Variants in GRAMD2B observed in about 807,000 individuals in gnomAD.
The protein encoded by GRAMD2B is GRAM domain-containing protein 2B.
A neutral mutation model predicts 59.2 loss-of-function variants in GRAMD2B; 41 were observed. The observed-to-expected ratio is 0.69, with a 90% CI of 0.54 to 0.90. GRAMD2B has a LOEUF of 0.90. GRAMD2B is among the 40% of genes least tolerant of loss of function. GRAMD2B has a pLI of 0.00. For synonymous variants in GRAMD2B, 161 were observed against 182.7 expected (o/e 0.88, Z 0.96); for missense variants, 424 against 500.5 (o/e 0.85, Z 1.46).
chr5:126,479,035 C>T (rs1771194284), intron 6 of GRAMD2B, among the ~76,000 whole-genome samples: 1 of 152,128 alleles, frequency 6.6e-6, no homozygotes, highest in South Asian at 2.1e-4. Context: ...CAGACATGCA[C>T]AATCAGAAAA....
intron 1 of GRAMD2B, among the ~76,000 whole-genome samples, chr5:126,365,450 C>T (rs1435382600): frequency 6.6e-6 from 1 of 152,164 alleles, no homozygotes; most frequent in East Asian, 1.9e-4. Context: ...GATAATAATG[C>T]TATTGAAATC....
chr5:126,371,343 G>C, exon 1 of GRAMD2B: 1 of 1,166,802 alleles, frequency 8.6e-7, no homozygotes, highest in Non-Finnish European at 1.1e-6. Context: ...GCAATTCAAG[G>C]ACTGTACAAA....
At chr5:126,435,318 T>C (rs913905892) in intron 1 of GRAMD2B, among the ~76,000 whole-genome samples, 1 of 152,204 alleles carries the variant, frequency 6.6e-6, no homozygotes, top group Non-Finnish European at 1.5e-5. Flanking sequence ...GCGAGGTTGA[T>C]GGACAAGGAA....
chr5:126,364,189 CA>C (rs1754342070), intron 1 of GRAMD2B, among the ~76,000 whole-genome samples: 1 of 152,144 alleles, frequency 6.6e-6, no homozygotes, highest in African/African-American at 2.4e-5. Context: ...TCCCATTTTA[CA>C]GATTAGGAAA....
At chr5:126,398,399 T>C (rs960530973) in intron 1 of GRAMD2B, among the ~76,000 whole-genome samples, 7 of 152,206 alleles carry the variant, frequency 4.6e-5, no homozygotes, top group African/African-American at 1.7e-4. Flanking sequence ...ATTTACCCAG[T>C]TTTTTGGCAT....
chr5:126,361,700 C>T (rs1257536798), intron 1 of GRAMD2B, among the ~76,000 whole-genome samples: 3 of 152,126 alleles, frequency 2.0e-5, no homozygotes, highest in Non-Finnish European at 4.4e-5. Context: ...GATGGCCCAG[C>T]CCAGTCACCA....
At chr5:126,459,335 C>G (rs1315948768) in intron 1 of GRAMD2B, among the ~76,000 whole-genome samples, 6 of 152,190 alleles carry the variant, frequency 3.9e-5, no homozygotes, top group Admixed American at 3.9e-4. Flanking sequence ...TTTCAAACTC[C>G]TGGCCTCAGT....
intron 1 of GRAMD2B, among the ~76,000 whole-genome samples, chr5:126,408,187 T>C (rs963171141): frequency 6.6e-6 from 1 of 152,072 alleles, no homozygotes; most frequent in African/African-American, 2.4e-5. Context: ...CATGTATAAG[T>C]GAAAACATGT....
At chr5:126,449,562 G>A (rs958110443) in intron 1 of GRAMD2B, among the ~76,000 whole-genome samples, 5 of 152,084 alleles carry the variant, frequency 3.3e-5, no homozygotes, top group East Asian at 1.9e-4. Context: ...TTTTCCTTAC[G>A]TATGTCTAAT....
At chr5:126,421,359 GT>G (rs1234078686), upstream of GRAMD2B, among the ~76,000 whole-genome samples, 1 of 152,208 alleles carries the variant, frequency 6.6e-6, no homozygotes, top group Non-Finnish European at 1.5e-5. Context: ...CTCATCCAGA[GT>G]TTGGGAAATT....
At chr5:126,381,954 C>G (rs1755697196) in intron 1 of GRAMD2B, among the ~76,000 whole-genome samples, 2 of 152,068 alleles carry the variant, frequency 1.3e-5, no homozygotes, top group African/African-American at 4.8e-5. Context: ...ATTTATGAAG[C>G]TTAGTTTTGC....
In GRAMD2B at chr5:126,469,769, A is replaced by C. The variant is rs1368268871; in HGVS notation, c.296A>C (p.Lys99Thr). The C allele has an allele frequency of 6.2e-7, 1 of 1,611,822 alleles. No homozygotes were observed. The highest frequency in any genetic ancestry group is 8.5e-7 in the Non-Finnish European group (1 of 1,178,284). ...SKNDPKTERK[K>T]SSSSSQYKAN... is the part of the protein sequence containing the mutation. ...AATGACCCTAAGACTGAAAGAAAAA[A>C]GTCTTCATCTTCCAGCCAGGTAATT... Residue 99 changes from lysine to threonine, a missense_variant, in exon 3 of 14, where the codon AAG (lysine) becomes ACG (threonine). Physicochemically the swap from Lys to Thr is moderately conservative, Grantham distance 78. Transcript: ENST00000285689.
At chr5:126,373,827 T>C (rs776465481) in intron 1 of GRAMD2B, among the ~76,000 whole-genome samples, 1 of 152,078 alleles carries the variant, frequency 6.6e-6, no homozygotes, top group Admixed American at 6.5e-5. Flanking sequence ...TTGCCCTGCA[T>C]AGGGAAGATA....
rs77190536 is a variant in GRAMD2B, at chr5:126,398,502, G to A, written c.125+26935G>A. Among the ~76,000 whole-genome samples, 296 of 151,888 alleles carry A rather than the reference G, an allele frequency of 1.9e-3. 2 individuals are homozygous for A. Among genetic ancestry groups the A allele is most frequent in the African/African-American group, 6.8e-3 (284 of 41,464 alleles). On this transcript the variant is annotated intron_variant, in intron 1 of 8. Transcript: ENST00000506445. The stretch of plus-strand genomic sequence containing the variant: ...TCCAATTCTGATTTTAATTATTTGA[G>A]TCTTCTGTCTTTTTTCTTGGTTACT...
intron 1 of GRAMD2B, among the ~76,000 whole-genome samples, chr5:126,439,902 T>TC (rs1178006338): frequency 6.6e-6 from 1 of 152,048 alleles, no homozygotes; most frequent in African/African-American, 2.4e-5. Flanking sequence ...AAAGGGTAGT[T>TC]CCCCTGCACA....
intron 1 of GRAMD2B, among the ~76,000 whole-genome samples, chr5:126,454,317 C>T (rs1765889827): frequency 6.6e-6 from 1 of 152,104 alleles, no homozygotes; most frequent in Admixed American, 6.5e-5. Flanking sequence ...ACATTGATGT[C>T]CCAGAATCTT....
intron 6 of GRAMD2B, 125 bp downstream of exon 6, chr5:126,477,912 G>T (rs181759785): frequency 7.8e-4 from 521 of 667,788 alleles, no homozygotes; most frequent in South Asian, 4.9e-3. Flanking sequence ...TGGTGAATCA[G>T]GAAAATTCCA....
intron 2 of GRAMD2B, chr5:126,466,256 T>C (rs1233759196): frequency 3.2e-6 from 5 of 1,549,726 alleles, no homozygotes; most frequent in Non-Finnish European, 3.5e-6. Flanking sequence ...GCTAAAAGAT[T>C]ATTAACTCCG....
At chr5:126,377,210 G>T (rs548048799) in intron 1 of GRAMD2B, among the ~76,000 whole-genome samples, 1 of 150,014 alleles carries the variant, frequency 6.7e-6, no homozygotes, top group Non-Finnish European at 1.5e-5. Context: ...CACCTGGAAG[G>T]TCTAGTTTAA....
Sources: allele counts gnomAD v4.1 joint callset (sites outside exome capture counted in the v4.1 genomes callset), GRCh38; gene constraint gnomAD v4.1.1; transcripts MANE v1.5; gene names NCBI Gene and HGNC (gene_info 2026-07-23, HGNC 2026-07-21).